Variants in MRTFB observed in about 807,000 individuals in gnomAD.
MRTFB encodes the protein myocardin related transcription factor B, also known as myocardin-related transcription factor B.
In MRTFB, 29 loss-of-function variants were observed where a neutral mutation model predicts 104.2. The ratio of observed to expected loss-of-function variants is 0.28; its 90% CI spans 0.21 to 0.38. The LOEUF (loss-of-function observed/expected upper bound fraction) is 0.38. MRTFB is among the 10% of genes least tolerant of loss of function. The pLI, the probability that MRTFB is intolerant of heterozygous loss-of-function variation, is 1.00. For synonymous variants in MRTFB, 535 were observed against 519.5 expected (o/e 1.03, Z -0.41); for missense variants, 1,270 against 1,341.6 (o/e 0.95, Z 0.83).
the MRTFB span, among the ~76,000 whole-genome samples, chr16:14,023,675 G>GTATATA: frequency 4.8e-3 from 691 of 145,102 alleles, 4 homozygotes; most frequent in African/African-American, 0.014. Context: ...GTGTGTGTGT[G>GTATATA]TCTATATATA....
Position 14,261,446 on chromosome 16 carries a change from G to A in MRTFB, c.*2G>A, listed in dbSNP as rs773373232. 24 of 1,577,948 alleles carry A rather than the reference G, an allele frequency of 1.5e-5. No homozygotes were observed. The highest frequency in any genetic ancestry group is 1.7e-4 in the Middle Eastern group (1 of 5,920). On this transcript the variant is annotated 3_prime_UTR_variant, in exon 17 of 17. Coordinates refer to ENST00000571589, the MANE Select transcript of MRTFB (RefSeq NM_001308142.2). ...GACCTACCGCTGCCATGGGACTAAC[G>A]TCACAGATTTCTTTTCTGAGAGTTG...
intron 3 of MRTFB, chr16:14,200,100 C>CA: frequency 1.7e-6 from 1 of 576,134 alleles, no homozygotes; most frequent in Non-Finnish European, 3.0e-6. Flanking sequence ...GTGACCTTAT[C>CA]AAAGTTTTAA....
At chr16:14,068,805 T>C (rs948115704), upstream of MRTFB, among the ~76,000 whole-genome samples, 5 of 152,134 alleles carry the variant, frequency 3.3e-5, no homozygotes, top group African/African-American at 1.2e-4. Context: ...AAGAGATTGG[T>C]GTTTGAATCA....
intron 2 of MRTFB, among the ~76,000 whole-genome samples, chr16:14,108,379 G>A (rs939420407): frequency 1.3e-5 from 2 of 152,212 alleles, no homozygotes; most frequent in Admixed American, 1.3e-4. Context: ...ATGAGGTTGA[G>A]TTTCATCATA....
chr16:14,180,174 C>A (rs944370768), intron 3 of MRTFB, among the ~76,000 whole-genome samples: 1 of 152,192 alleles, frequency 6.6e-6, no homozygotes, highest in African/African-American at 2.4e-5. Context: ...AGACCATATT[C>A]CTTAAGAGAC....
chr16:14,197,691 T>C (rs1361681967), intron 3 of MRTFB, among the ~76,000 whole-genome samples: 1 of 152,152 alleles, frequency 6.6e-6, no homozygotes, highest in African/African-American at 2.4e-5. Flanking sequence ...GCTAGAAATA[T>C]AAGGATGAGG....
At position 14,265,341 on chromosome 16, in the gene MRTFB, G is replaced by A. The variant is rs2043910134; in HGVS notation, c.*3897G>A. 1 of 152,110 alleles carries A rather than the reference G, an allele frequency of 6.6e-6. No individual in the cohort carries two copies. Among genetic ancestry groups the A allele is most frequent in the African/African-American group, 2.4e-5 (1 of 41,410 alleles). The allele number at this position is 152,110 out of a possible 1,614,324, so 9.4% of individuals were successfully genotyped here. On this transcript the variant is annotated 3_prime_UTR_variant, in exon 17 of 17. Coordinates refer to ENST00000571589, the MANE Select transcript of MRTFB (RefSeq NM_001308142.2). ...ATACAAATCGTCCCACCGCCCTAGA[G>A]GCCACAGAATTAGCCCAAAATTATC... is the stretch of plus-strand genomic sequence containing the variant.
At chr16:14,078,494 G>A (rs531906943) in intron 1 of MRTFB, among the ~76,000 whole-genome samples, 2 of 151,978 alleles carry the variant, frequency 1.3e-5, no homozygotes, top group South Asian at 4.2e-4. Flanking sequence ...CAGTGGCACA[G>A]TTATGGCTTA....
intron 3 of MRTFB, chr16:14,200,817 G>A: frequency 6.8e-7 from 1 of 1,471,878 alleles, no homozygotes; most frequent in African/African-American, 1.4e-5. Flanking sequence ...AAAAGTGGTT[G>A]GCGGTGGTTA....
At chr16:14,036,300 A>G in the MRTFB span, among the ~76,000 whole-genome samples, 1 of 125,886 alleles carries the variant, frequency 7.9e-6, no homozygotes, top group East Asian at 2.4e-4. Flanking sequence ...ATATATTTAT[A>G]TATATATATA....
intron 13 of MRTFB, among the ~76,000 whole-genome samples, chr16:14,250,017 G>A (rs1021336592): frequency 6.6e-6 from 1 of 152,134 alleles, no homozygotes; most frequent in South Asian, 2.1e-4. Flanking sequence ...CCATTTTAGT[G>A]TAATTAAAAG....
intron 1 of MRTFB, among the ~76,000 whole-genome samples, chr16:14,073,690 GCAA>G (rs1195141298): frequency 6.6e-6 from 1 of 152,202 alleles, no homozygotes; most frequent in African/African-American, 2.4e-5. Flanking sequence ...GAGTTGGGAA[GCAA>G]CAACAATAAT....
chr16:14,061,927 G>A, the MRTFB span, among the ~76,000 whole-genome samples: 2 of 152,150 alleles, frequency 1.3e-5, no homozygotes, highest in African/African-American at 4.8e-5. Flanking sequence ...CTTCCTCCCT[G>A]TACCAGTGTA....
chr16:14,195,839 CATT>C (rs1462782198), intron 3 of MRTFB, among the ~76,000 whole-genome samples: 1 of 152,092 alleles, frequency 6.6e-6, no homozygotes. Flanking sequence ...GAAAAATAAA[CATT>C]ATCTTCTTTG....
intron 2 of MRTFB, among the ~76,000 whole-genome samples, chr16:14,082,421 A>G (rs957594950): frequency 4.6e-5 from 7 of 152,166 alleles, no homozygotes; most frequent in African/African-American, 1.4e-4. Context: ...AGCTAGTACC[A>G]TGCTGTTTGG....
chr16:14,145,991 C>T (rs998939819), intron 3 of MRTFB, among the ~76,000 whole-genome samples: 1 of 152,200 alleles, frequency 6.6e-6, no homozygotes, highest in Admixed American at 6.5e-5. Context: ...TGTGCAAGAC[C>T]GGTAAGCTGA....
intron 3 of MRTFB, among the ~76,000 whole-genome samples, chr16:14,168,207 T>A (rs1042045414): frequency 1.0e-4 from 15 of 145,010 alleles, no homozygotes; most frequent in Non-Finnish European, 1.6e-4. Flanking sequence ...TTTACATTTT[T>A]AAAGATAAAA....
the MRTFB span, among the ~76,000 whole-genome samples, chr16:14,017,586 GACTA>G: frequency 1.5e-4 from 16 of 109,846 alleles, no homozygotes; most frequent in Admixed American, 6.2e-4. Context: ...AGAACTGACT[GACTA>G]CAGTATATAT....
In MRTFB at chr16:14,110,798, C is replaced by T. The variant is rs1043348775; in HGVS notation, c.-63-29746C>T. ...GATGACTACATCATCCTCTTGCCTT[C>T]CACCCTTTCTCTGCCCCAAGGCCCC... On this transcript the variant is annotated intron_variant, in intron 2 of 16. Coordinates refer to ENST00000571589, the MANE Select transcript of MRTFB (RefSeq NM_001308142.2). Among the ~76,000 whole-genome samples the T allele has an allele frequency of 8.5e-5, 13 of 152,168 alleles. 1 individual carries two copies. The highest frequency in any genetic ancestry group is 2.9e-4 in the African/African-American group (12 of 41,440).
Sources: gnomAD v4.1 joint callset for allele counts (sites outside exome capture counted in the v4.1 genomes callset) on GRCh38, gnomAD v4.1.1 for gene constraint, MANE v1.5 for transcripts, NCBI Gene and HGNC (gene_info 2026-07-23, HGNC 2026-07-21) for gene names.